VPS13C: variants seen among roughly 807,000 people sequenced by gnomAD.
The protein encoded by VPS13C is intermembrane lipid transfer protein VPS13C.
A neutral mutation model predicts 456.8 loss-of-function variants in VPS13C; 358 were observed. The observed-to-expected ratio is 0.78, with a 90% CI of 0.72 to 0.86. VPS13C has a LOEUF of 0.86. VPS13C is among the 40% of genes least tolerant of loss of function. The pLI, the probability that VPS13C is intolerant of heterozygous loss-of-function variation, is 0.00. For missense variants in VPS13C, 4,818 were observed against 4,385.4 expected (o/e 1.10, Z -2.79); for synonymous variants, 1,578 against 1,486.7 (o/e 1.06, Z -1.41).
chr15:61,874,861 A>C lies in VPS13C; in HGVS notation c.10414+15T>G. Reference sequence around the variant, plus strand: ...ATAAAAAATATACACATATACACAAATATGTGATACATACCTACTGTGTGT... The same window carrying C: ...ATAAAAAATATACACATATACACAACTATGTGATACATACCTACTGTGTGT... On this transcript the variant is annotated intron_variant, in intron 77 of 84. Transcript: ENST00000644861. The C allele has an allele frequency of 6.4e-7, 1 of 1,566,788 alleles. No homozygotes were observed. The highest frequency in any genetic ancestry group is 8.6e-7 in the Non-Finnish European group (1 of 1,161,352).
chr15:61,881,499 T>A lies in VPS13C; in HGVS notation c.9776+64A>T. On this transcript the variant is annotated intron_variant, in intron 71 of 84. Transcript: ENST00000644861. ...AAAGTCACTTTCAAAAAGAGTAAGA[T>A]TTATTTTCAAAGTAGATTCTCATTT... is the stretch of plus-strand genomic sequence containing the variant. The A allele has an allele frequency of 3.4e-6, 5 of 1,471,682 alleles. No homozygotes were observed. The South Asian group carries it at 6.5e-5, about 19-fold the overall frequency. 91.2% of individuals were successfully genotyped at this position (1,471,682 alleles called of 1,614,324 possible). A position where few individuals can be genotyped will look rare whatever the true frequency, so the allele number is the denominator to read the frequency against.
intron 77 of VPS13C, among the ~76,000 whole-genome samples, chr15:61,874,534 C>G (rs947892646): frequency 1.3e-5 from 2 of 151,934 alleles, no homozygotes; most frequent in African/African-American, 4.8e-5. Flanking sequence ...AGCATTATCA[C>G]AATATATAGC....
chr15:61,856,533 A>G (rs982731951), intron 82 of VPS13C, 124 bp from the exon 83 acceptor site: 11 of 921,676 alleles, frequency 1.2e-5, no homozygotes, highest in Non-Finnish European at 1.4e-5. Flanking sequence ...ACTGGCACTA[A>G]AAAAAAAACC....
chr15:62,000,804 G>C (rs1259913673), intron 15 of VPS13C, among the ~76,000 whole-genome samples, 178 bp from the exon 16 acceptor site: 2 of 151,982 alleles, frequency 1.3e-5, no homozygotes, highest in Non-Finnish European at 2.9e-5. Context: ...TACAGTAAGA[G>C]AAAATAAGTT....
chr15:62,039,808 A>G (rs1007725358), intron 3 of VPS13C, among the ~76,000 whole-genome samples: 10 of 152,300 alleles, frequency 6.6e-5, no homozygotes, highest in African/African-American at 2.4e-4. Flanking sequence ...GGGGTTCCTC[A>G]AAAAACTAAA....
intron 3 of VPS13C, among the ~76,000 whole-genome samples, chr15:62,037,375 T>C (rs1285296075): frequency 2.2e-5 from 2 of 91,760 alleles, no homozygotes; most frequent in Non-Finnish European, 4.2e-5. Flanking sequence ...TAATATATTA[T>C]ATATAAATGT....
chr15:62,045,552 A>G (rs997710799), intron 1 of VPS13C, among the ~76,000 whole-genome samples: 1 of 152,174 alleles, frequency 6.6e-6, no homozygotes, highest in African/African-American at 2.4e-5. Flanking sequence ...GAAACAAAAT[A>G]AGGTCAGAAA....
intron 6 of VPS13C, 114 bp downstream of exon 6, chr15:62,028,244 G>C: frequency 9.2e-7 from 1 of 1,091,586 alleles, no homozygotes; most frequent in South Asian, 1.4e-5. Context: ...AACAAAAATT[G>C]CATTTCCATA....
chr15:62,046,396 T>C (rs909932377), intron 1 of VPS13C, among the ~76,000 whole-genome samples: 6 of 152,200 alleles, frequency 3.9e-5, no homozygotes, highest in Admixed American at 6.6e-5. Flanking sequence ...CCTTACGTAT[T>C]ATATATGCAC....
Position 61,920,487 on chromosome 15 carries a change from T to G in VPS13C, c.7212+11A>C. 1 of 1,518,902 alleles carries G rather than the reference T, an allele frequency of 6.6e-7. No homozygotes were observed. The highest frequency in any genetic ancestry group is 8.8e-7 in the Non-Finnish European group (1 of 1,134,330). 94.1% of individuals were successfully genotyped at this position (1,518,902 alleles called of 1,614,324 possible). A position where few individuals can be genotyped will look rare whatever the true frequency, so the allele number is the denominator to read the frequency against. On this transcript the variant is annotated intron_variant, in intron 56 of 84. Transcript: ENST00000644861. The stretch of plus-strand genomic sequence containing the variant: ...TCCACTTGAAATATTCTAAGCAAGA[T>G]TCAGACATACTTTTGCTAAATTGTT...
Position 61,917,410 on chromosome 15 carries a change from GTAAGC to G in VPS13C, c.7981_7985del (p.Ala2661HisfsTer23). 1 of 1,613,972 alleles carries G rather than the reference GTAAGC, an allele frequency of 6.2e-7. No homozygotes were observed. Among genetic ancestry groups the G allele is most frequent in the East Asian group, 2.2e-5 (1 of 44,860 alleles). On this transcript the variant is annotated frameshift_variant, in exon 60 of 85. Coordinates refer to ENST00000644861, the MANE Select transcript of VPS13C (RefSeq NM_020821.3). LOFTEE classifies it high-confidence loss of function. ...TGAGAGAAGGATAAAGATGAATAAT[GTAAGC>G]TACATCCCAGTCTTCCCCATGTGTA...
rs367700010 is a variant in VPS13C at position 61,881,752 on chromosome 15, T to C, written c.9701A>G (p.Asp3234Gly). 1.9e-6 allele frequency: 3 copies of C among 1,608,896 alleles called. No individual in the cohort carries two copies. The highest frequency in any genetic ancestry group is 2.5e-6 in the Non-Finnish European group (3 of 1,178,618). Residue 3234 changes from aspartate to glycine, a missense_variant, in exon 70 of 85, where the codon GAT (aspartate) becomes GGT (glycine). Asp to Gly is a moderately conservative substitution (Grantham distance 94). Coordinates refer to ENST00000644861, the MANE Select transcript of VPS13C (RefSeq NM_020821.3). The part of the protein sequence containing the change: ...PVAPPKSIAL[D>G]SEPKPFIDVS... Reference sequence around the variant, plus strand: ...CACAACTTATTTTATTTTACCTGAATCTAAAGCAATAGATTTTGGAGGGGC... The same window carrying C: ...CACAACTTATTTTATTTTACCTGAACCTAAAGCAATAGATTTTGGAGGGGC...
Position 61,922,028 on chromosome 15 carries a change from G to T in VPS13C, c.6981C>A (p.His2327Gln), listed in dbSNP as rs771822065. The change falls in exon 55 of 85, where the codon CAC becomes CAA. Residue 2327 changes from histidine (H) to glutamine (Q), a missense_variant. Transcript: ENST00000644861. ...AGACAGCATGGATCTCATTGTAATA[G>T]TGCACCTGGAAAGATACACACAAAA... ...AAVADVTLQVHYYNEIHAVWE... is the reference protein window; with the variant it reads ...AAVADVTLQVQYYNEIHAVWE... 5.0e-6 allele frequency: 8 copies of T among 1,613,204 alleles called. No homozygotes were observed. In the South Asian group the frequency reaches 8.8e-5, roughly 18 times the overall value.
At chr15:62,013,161 G>T in intron 10 of VPS13C, 42 bp from the exon 11 acceptor site, 1 of 1,403,946 alleles carries the variant, frequency 7.1e-7, no homozygotes, top group Non-Finnish European at 9.8e-7. Context: ...TCAACACACT[G>T]AAATTATGAA....
chr15:61,966,012 C>A, intron 30 of VPS13C, 71 bp downstream of exon 30: 1 of 1,235,392 alleles, frequency 8.1e-7, no homozygotes, highest in South Asian at 1.5e-5. Flanking sequence ...CAATACTCCT[C>A]AAAGGATACT....
At chr15:61,993,060 G>A (rs980958988) in intron 16 of VPS13C, among the ~76,000 whole-genome samples, 4 of 152,072 alleles carry the variant, frequency 2.6e-5, no homozygotes, top group African/African-American at 9.7e-5. Flanking sequence ...TATATCATCT[G>A]AGTTTTTCCA....
Position 61,954,272 on chromosome 15 carries a change from C to T in VPS13C, c.4299+149G>A, listed in dbSNP as rs907751026. The T allele has an allele frequency of 5.8e-5, 46 of 791,672 alleles. No homozygotes were observed. The African/African-American group carries it at 7.5e-4, about 13-fold the overall frequency. The allele number at this position is 791,672 out of a possible 1,614,324, so 49.0% of individuals were successfully genotyped here. ...TATAAACTCCCAAATCCTTAACAAA[C>T]TTTCAATTTTTAAAACATCACTGCT... On this transcript the variant is annotated intron_variant, in intron 38 of 84. Coordinates refer to ENST00000644861, the MANE Select transcript of VPS13C (RefSeq NM_020821.3).
chr15:62,001,410 T>A (rs904243037), intron 15 of VPS13C, among the ~76,000 whole-genome samples: 1 of 152,240 alleles, frequency 6.6e-6, no homozygotes, highest in Non-Finnish European at 1.5e-5. Context: ...TTATGAATCA[T>A]TGCTAGAAAT....
intron 82 of VPS13C, among the ~76,000 whole-genome samples, chr15:61,857,182 G>C (rs1029321592): frequency 3.3e-5 from 5 of 152,130 alleles, no homozygotes; most frequent in Non-Finnish European, 5.9e-5. Context: ...AGAGAAACAA[G>C]GAAGATAATT....
Sources: gnomAD v4.1 joint callset for allele counts (sites outside exome capture counted in the v4.1 genomes callset) on GRCh38, gnomAD v4.1.1 for gene constraint, MANE v1.5 for transcripts, NCBI Gene and HGNC (gene_info 2026-07-23, HGNC 2026-07-21) for gene names.